Variants in CDKAL1 observed in about 807,000 individuals in gnomAD.
CDKAL1 encodes the protein CDKAL1 threonylcarbamoyladenosine tRNA methylthiotransferase, also known as threonylcarbamoyladenosine tRNA methylthiotransferase.
CDKAL1 carries 32 observed loss-of-function variants against 68.2 expected under a neutral mutation model. That is an observed-to-expected ratio of 0.47 (90% CI 0.35 to 0.63). CDKAL1 has a LOEUF of 0.63. Ranked by LOEUF, CDKAL1 falls within the 30% of genes least tolerant of loss-of-function variation. CDKAL1 has a pLI of 0.00. For synonymous variants in CDKAL1, 234 were observed against 244.3 expected (o/e 0.96, Z 0.39); for missense variants, 606 against 696.7 (o/e 0.87, Z 1.47).
intron 12 of CDKAL1, among the ~76,000 whole-genome samples, chr6:21,082,835 G>A (rs1056481989): frequency 3.3e-5 from 5 of 150,438 alleles, no homozygotes; most frequent in African/African-American, 1.2e-4. Context: ...TTGGGGATGC[G>A]AACTAAGTCT....
chr6:21,025,866 C>T (rs1768927301), intron 11 of CDKAL1, among the ~76,000 whole-genome samples: 1 of 152,066 alleles, frequency 6.6e-6, no homozygotes, highest in South Asian at 2.1e-4. Flanking sequence ...AAAAAGAATA[C>T]AATGCATGTT....
intron 11 of CDKAL1, among the ~76,000 whole-genome samples, chr6:21,039,677 C>G (rs1422779745): frequency 6.6e-6 from 1 of 152,120 alleles, no homozygotes; most frequent in Non-Finnish European, 1.5e-5. Context: ...TTAATTTTAA[C>G]TTTTGGAAGC....
At chr6:20,732,567 G>A (rs536011684) in intron 5 of CDKAL1, among the ~76,000 whole-genome samples, 3 of 151,716 alleles carry the variant, frequency 2.0e-5, no homozygotes, top group African/African-American at 4.8e-5. Flanking sequence ...GATTACAGGC[G>A]TGAGCCACTA....
intron 11 of CDKAL1, among the ~76,000 whole-genome samples, chr6:21,011,214 T>C (rs1042325894): frequency 8.3e-5 from 12 of 143,928 alleles, no homozygotes; most frequent in Non-Finnish European, 1.8e-4. Flanking sequence ...CCATCTCTAC[T>C]AAAAAAAATA....
chr6:21,096,795 G>T (rs1297029566), intron 12 of CDKAL1, among the ~76,000 whole-genome samples: 5 of 152,164 alleles, frequency 3.3e-5, no homozygotes, highest in Non-Finnish European at 4.4e-5. Context: ...TAAAAACAGT[G>T]TAGTACATAG....
At chr6:20,808,581 T>C (rs1209753987) in intron 8 of CDKAL1, among the ~76,000 whole-genome samples, 2 of 152,006 alleles carry the variant, frequency 1.3e-5, no homozygotes, top group African/African-American at 4.8e-5. Context: ...ATTTTGGTAG[T>C]GGGACAAAGA....
chr6:20,551,454 G>A (rs186258421), intron 4 of CDKAL1, among the ~76,000 whole-genome samples: 31 of 150,052 alleles, frequency 2.1e-4, no homozygotes, highest in African/African-American at 5.2e-4. Context: ...TGCAAGCTCC[G>A]CCTCCTGGGT....
Position 21,065,227 on chromosome 6 carries a change from T to C in CDKAL1, c.1235T>C (p.Val412Ala). The change falls in exon 12 of 16, where the codon GTG becomes GCG. Residue 412 changes from valine to alanine, a missense_variant and splice_region_variant. Val to Ala is a moderately conservative substitution (Grantham distance 64). Coordinates refer to ENST00000274695, the MANE Select transcript of CDKAL1 (RefSeq NM_017774.3). ...AAKMEQVPAQVKKQRTKDLSR... is the reference protein window; with the variant it reads ...AAKMEQVPAQAKKQRTKDLSR... ...AAAATGGAACAAGTTCCAGCACAAG[T>C]GGTAAGATCTTTTTCTTGTAAGGTA... 7 of 1,599,660 alleles carry C rather than the reference T, an allele frequency of 4.4e-6. No individual in the cohort carries two copies. The highest frequency in any genetic ancestry group is 3.4e-6 in the Non-Finnish European group (4 of 1,174,980).
chr6:21,059,660 C>T (rs1441508625), intron 11 of CDKAL1, among the ~76,000 whole-genome samples: 1 of 152,004 alleles, frequency 6.6e-6, no homozygotes, highest in Non-Finnish European at 1.5e-5. Context: ...ACCTGGATAC[C>T]TCAGCTGAAG....
intron 11 of CDKAL1, among the ~76,000 whole-genome samples, chr6:21,014,005 C>G (rs1768161528): frequency 6.6e-6 from 1 of 152,186 alleles, no homozygotes; most frequent in Admixed American, 6.5e-5. Flanking sequence ...TCCTCTGTCT[C>G]ATGGTCCATG....
chr6:20,833,184 G>T (rs997238652), intron 8 of CDKAL1, among the ~76,000 whole-genome samples: 2 of 152,112 alleles, frequency 1.3e-5, no homozygotes, highest in Non-Finnish European at 2.9e-5. Flanking sequence ...GATTAGCCAC[G>T]CTCTATTCTA....
At chr6:20,870,190 A>C (rs2150539557) in intron 9 of CDKAL1, among the ~76,000 whole-genome samples, 1 of 152,306 alleles carries the variant, frequency 6.6e-6, no homozygotes, top group East Asian at 1.9e-4. Context: ...TTGTCAGTGT[A>C]GTGCCACAAA....
chr6:20,548,564 C>CTTT (rs762740830), intron 3 of CDKAL1, 29 bp from the exon 4 acceptor site: 19 of 809,278 alleles, frequency 2.3e-5, no homozygotes, highest in African/African-American at 7.3e-5. Flanking sequence ...ATGAAACTTA[C>CTTT]TTTTTTTTTT....
chr6:21,153,235 C>CTTTTTT (rs1162272560), intron 13 of CDKAL1, among the ~76,000 whole-genome samples: 15 of 96,220 alleles, frequency 1.6e-4, no homozygotes, highest in African/African-American at 3.7e-4. Flanking sequence ...TATGTGATTT[C>CTTTTTT]TTTTTTTTTT....
intron 12 of CDKAL1, among the ~76,000 whole-genome samples, chr6:21,094,935 T>C (rs1322006769): frequency 6.6e-6 from 1 of 152,230 alleles, no homozygotes; most frequent in Non-Finnish European, 1.5e-5. Flanking sequence ...TTCATTGAGC[T>C]CTTCTAAGAT....
intron 12 of CDKAL1, among the ~76,000 whole-genome samples, chr6:21,102,396 AGCGTCG>A (rs1773623123): frequency 6.6e-6 from 1 of 152,156 alleles, no homozygotes; most frequent in Admixed American, 6.5e-5. Flanking sequence ...GACCTGCCTT[AGCGTCG>A]TCCACATCCT....
chr6:20,687,269 A>T (rs964938829), intron 5 of CDKAL1, among the ~76,000 whole-genome samples: 2 of 152,184 alleles, frequency 1.3e-5, no homozygotes, highest in Non-Finnish European at 2.9e-5. Flanking sequence ...TAAAAAAAAT[A>T]TGGTAACATT....
intron 13 of CDKAL1, among the ~76,000 whole-genome samples, chr6:21,168,612 T>TA (rs1186995801): frequency 1.3e-5 from 2 of 152,184 alleles, no homozygotes; most frequent in Non-Finnish European, 2.9e-5. Flanking sequence ...AATTTCAAAA[T>TA]AAAAAGCATA....
At chr6:21,127,820 A>C (rs1246542573) in intron 13 of CDKAL1, among the ~76,000 whole-genome samples, 1 of 152,046 alleles carries the variant, frequency 6.6e-6, no homozygotes, top group Non-Finnish European at 1.5e-5. Context: ...TTATGAGTTT[A>C]AGCTTTTTTG....
Sources: allele counts gnomAD v4.1 joint callset (sites outside exome capture counted in the v4.1 genomes callset), GRCh38; gene constraint gnomAD v4.1.1; transcripts MANE v1.5; gene names NCBI Gene and HGNC (gene_info 2026-07-23, HGNC 2026-07-21).